The following GMDS variants were observed in gnomAD, a reference collection of about 807,000 sequenced individuals.
GMDS encodes GDP-mannose 4,6 dehydratase.
Under a neutral mutation model 49.9 loss-of-function variants are expected in GMDS, and 20 were observed. The ratio of observed to expected loss-of-function variants is 0.40; its 90% CI spans 0.28 to 0.58. The LOEUF (loss-of-function observed/expected upper bound fraction) is 0.58. GMDS is among the 20% of genes least tolerant of loss of function. The pLI is 0.42. For missense variants in GMDS, 362 were observed against 481.4 expected, an observed-to-expected ratio of 0.75 and a Z score of 2.32; for synonymous variants, 177 against 178.6, an observed-to-expected ratio of 0.99 and a Z score of 0.07.
intron 4 of GMDS, among the ~76,000 whole-genome samples, chr6:2,031,480 A>C (rs995015778): frequency 1.6e-4 from 24 of 152,174 alleles, no homozygotes; most frequent in Middle Eastern, 3.4e-3. Flanking sequence ...GACCAGTGTA[A>C]GTGCTTAGAG....
At chr6:2,163,372 TAGTC>T (rs1581733677) in intron 1 of GMDS, among the ~76,000 whole-genome samples, 1 of 152,086 alleles carries the variant, frequency 6.6e-6, no homozygotes, top group African/African-American at 2.4e-5. Flanking sequence ...ATAGCTGTGT[TAGTC>T]AGGGTTCTCC....
chr6:1,899,516 C>T (rs1029121667), intron 7 of GMDS, among the ~76,000 whole-genome samples: 1 of 152,126 alleles, frequency 6.6e-6, no homozygotes, highest in Non-Finnish European at 1.5e-5. Flanking sequence ...AGAAGACCTT[C>T]GTCAAGAAAG....
At chr6:2,020,918 G>T (rs958141569) in intron 4 of GMDS, among the ~76,000 whole-genome samples, 1 of 152,230 alleles carries the variant, frequency 6.6e-6, no homozygotes, top group African/African-American at 2.4e-5. Context: ...CGCTGCATAT[G>T]TGCTTATCTA....
intron 7 of GMDS, among the ~76,000 whole-genome samples, chr6:1,869,451 G>T (rs1361751085): frequency 1.3e-5 from 2 of 152,202 alleles, no homozygotes; most frequent in South Asian, 2.1e-4. Context: ...GGTGGCATGG[G>T]GTCATTCTTT....
At chr6:1,928,837 C>T (rs532057625) in intron 7 of GMDS, among the ~76,000 whole-genome samples, 6 of 151,984 alleles carry the variant, frequency 3.9e-5, no homozygotes, top group East Asian at 3.9e-4. Context: ...GGTGTGGTGG[C>T]GCATGCCTAT....
chr6:2,187,644 G>C (rs1778836681), intron 1 of GMDS, among the ~76,000 whole-genome samples: 1 of 152,198 alleles, frequency 6.6e-6, no homozygotes, highest in African/African-American at 2.4e-5. Flanking sequence ...GTTTAAATTT[G>C]AGAAAGCTTT....
intron 4 of GMDS, among the ~76,000 whole-genome samples, chr6:2,002,603 G>C (rs1462606923): frequency 6.6e-6 from 1 of 152,086 alleles, no homozygotes; most frequent in African/African-American, 2.4e-5. Context: ...CTAATTTCAA[G>C]AACTTAAATA....
At chr6:2,015,052 A>G (rs1767804502) in intron 4 of GMDS, among the ~76,000 whole-genome samples, 2 of 152,184 alleles carry the variant, frequency 1.3e-5, no homozygotes, top group Admixed American at 6.6e-5. Context: ...AAGAACAACA[A>G]AATTCATCAG....
At chr6:1,863,448 C>T (rs1031956810) in intron 7 of GMDS, among the ~76,000 whole-genome samples, 2 of 152,018 alleles carry the variant, frequency 1.3e-5, no homozygotes, top group African/African-American at 4.8e-5. Flanking sequence ...CATATTAATT[C>T]TTTATATAGC....
At chr6:1,940,220 A>G (rs1021980493) in intron 6 of GMDS, among the ~76,000 whole-genome samples, 4 of 152,260 alleles carry the variant, frequency 2.6e-5, no homozygotes, top group African/African-American at 9.6e-5. Context: ...TTATCCATCC[A>G]TATCCAAATG....
chr6:1,825,517 T>C (rs1478396129), intron 7 of GMDS, among the ~76,000 whole-genome samples: 1 of 152,166 alleles, frequency 6.6e-6, no homozygotes, highest in Non-Finnish European at 1.5e-5. Flanking sequence ...TTAGGTGATT[T>C]TGTTGGGCCC....
At chr6:1,764,010 G>A (rs959031314) in intron 7 of GMDS, among the ~76,000 whole-genome samples, 3 of 152,134 alleles carry the variant, frequency 2.0e-5, no homozygotes, top group African/African-American at 7.2e-5. Flanking sequence ...AAGACAGAGC[G>A]GGCATTGTAG....
chr6:2,108,670 A>G (rs1487638167), intron 4 of GMDS, among the ~76,000 whole-genome samples: 2 of 152,190 alleles, frequency 1.3e-5, no homozygotes, highest in African/African-American at 4.8e-5. Context: ...AAACAGTGGG[A>G]ATGACAAGAG....
chr6:1,816,674 T>C (rs376861998), intron 7 of GMDS, among the ~76,000 whole-genome samples: 1 of 152,206 alleles, frequency 6.6e-6, no homozygotes, highest in South Asian at 2.1e-4. Context: ...TGCACAGAAT[T>C]AACAGGTTTC....
intron 1 of GMDS, among the ~76,000 whole-genome samples, chr6:2,157,286 C>A (rs1447426272): frequency 6.6e-6 from 1 of 152,130 alleles, no homozygotes; most frequent in African/African-American, 2.4e-5. Flanking sequence ...ATCTGTAAAC[C>A]CTACTTTGGG....
chr6:1,705,277 G>A (rs1311624760), intron 9 of GMDS, among the ~76,000 whole-genome samples: 1 of 152,226 alleles, frequency 6.6e-6, no homozygotes, highest in Non-Finnish European at 1.5e-5. Context: ...TTGGAGTTGA[G>A]ATGTTTTGGC....
chr6:1,641,563 C>T (rs548569227), intron 9 of GMDS, among the ~76,000 whole-genome samples: 1 of 152,318 alleles, frequency 6.6e-6, no homozygotes, highest in Non-Finnish European at 1.5e-5. Context: ...GTGCTTAGCA[C>T]TGGGGAAGGG....
Position 2,016,261 on chromosome 6 carries a change from A to T in GMDS, c.346-55295T>A, listed in dbSNP as rs187200870. Among the ~76,000 whole-genome samples, 718 of 150,968 alleles carry T rather than the reference A, an allele frequency of 4.8e-3. 8 individuals are homozygous for T. Among genetic ancestry groups the T allele is most frequent in the Middle Eastern group, 0.038 (11 of 292 alleles). On this transcript the variant is annotated intron_variant, in intron 4 of 10. Transcript: ENST00000380815. ...GCAACAGAGCAAGGCTCGGTCTCAA[A>T]AAAAAAAAAAAGCAGAAAGCAGACG...
chr6:1,746,863 G>A (rs911412561), intron 7 of GMDS, among the ~76,000 whole-genome samples: 2 of 151,868 alleles, frequency 1.3e-5, no homozygotes, highest in Non-Finnish European at 2.9e-5. Context: ...CACCATACCC[G>A]GCTAATTTTT....
Sources: allele counts gnomAD v4.1 joint callset (sites outside exome capture counted in the v4.1 genomes callset), GRCh38; gene constraint gnomAD v4.1.1; transcripts MANE v1.5; gene names NCBI Gene and HGNC (gene_info 2026-07-23, HGNC 2026-07-21).